Variants in KMT2C observed in about 807,000 individuals in gnomAD.
KMT2C encodes lysine methyltransferase 2C.
In KMT2C, 88 loss-of-function variants were observed where a neutral mutation model predicts 507.9. That is an observed-to-expected ratio of 0.17 (90% CI 0.15 to 0.21). The LOEUF (loss-of-function observed/expected upper bound fraction) is 0.21. Among genes scored for constraint, KMT2C ranks in the 10% least tolerant of loss-of-function variants. The pLI is 1.00. For missense variants in KMT2C, 4,954 were observed against 5,957.8 expected, an observed-to-expected ratio of 0.83 and a Z score of 5.55; for synonymous variants, 2,049 against 2,080.8, an observed-to-expected ratio of 0.98 and a Z score of 0.42.
At chr7:152,308,909 T>C (rs2096644913) in intron 6 of KMT2C, among the ~76,000 whole-genome samples, 1 of 151,952 alleles carries the variant, frequency 6.6e-6, no homozygotes, top group African/African-American at 2.4e-5. Flanking sequence ...TCTTTATAGA[T>C]GGGAGGAAGC....
In KMT2C at chr7:152,148,798, C is replaced by G. The variant is rs774723272; in HGVS notation, c.13129G>C (p.Asp4377His). The G allele has an allele frequency of 1.2e-6, 2 of 1,614,216 alleles. No individual in the cohort carries two copies. The highest frequency in any genetic ancestry group is 2.2e-5 in the South Asian group (2 of 91,084). Residue 4377 changes from aspartate to histidine, a missense_variant, in exon 52 of 59, where the codon GAT (aspartate) becomes CAT (histidine). Around this residue, in one of 29 missense-constraint regions of KMT2C, gnomAD observed 417 missense variants for 461.1 expected, o/e 0.90. Coordinates refer to ENST00000262189, the MANE Select transcript of KMT2C (RefSeq NM_170606.3). The surrounding 1 kb of genome is among the most constrained non-coding windows in gnomAD (Gnocchi z 7.1). Reference protein sequence around the residue: ...PKGTFKPPCEDEIDEFLKKLG... With the variant: ...PKGTFKPPCEHEIDEFLKKLG... ...TTCTTTAGAAATTCATCTATTTCAT[C>G]CTCACAAGGTGGTTTAAATGTCCCC...
intron 1 of KMT2C, among the ~76,000 whole-genome samples, chr7:152,378,760 G>A (rs2097348194): frequency 6.6e-6 from 1 of 152,130 alleles, no homozygotes; most frequent in Non-Finnish European, 1.5e-5. Flanking sequence ...GAACCATGCA[G>A]AGCAATTAAC....
At position 152,248,417 on chromosome 7, in the gene KMT2C, G is replaced by T. The variant is rs187949691; in HGVS notation, c.2017C>A (p.Pro673Thr). 19 of 1,613,904 alleles carry T rather than the reference G, an allele frequency of 1.2e-5. No individual in the cohort carries two copies. The highest frequency in any genetic ancestry group is 1.6e-5 in the Non-Finnish European group (19 of 1,180,004). ...TCTTCTCTGGATACCACTGTTTCAG[G>T]TTCCTCTAACAACTGCAGTTGTTCT... ...QQEQLQLLEE[P>T]ETVVSREESR... Residue 673 changes from proline to threonine, a missense_variant, in exon 14 of 59, where the codon CCT becomes ACT. By Grantham distance (38) the Pro-to-Thr change is conservative (BLOSUM62 -1). Transcript: ENST00000262189.
Position 152,154,021 on chromosome 7 carries a change from T to C in KMT2C, c.12265A>G (p.Thr4089Ala), listed in dbSNP as rs1179427754. The C allele has an allele frequency of 6.2e-7, 1 of 1,613,536 alleles. No homozygotes were observed. The highest frequency in any genetic ancestry group is 1.7e-5 in the Admixed American group (1 of 59,924). ...ATTTAATCTTTTACCTCAGCAGCTG[T>C]AGGATGCAGAGTAATTGCTACAGAT... ...LISVAITLHP[T>A]AAENISSVVA... The change falls in exon 48 of 59, where the codon ACA becomes GCA. Residue 4089 changes from threonine (T) to alanine (A), a missense_variant. By Grantham distance (58) the Thr-to-Ala change is moderately conservative (BLOSUM62 0). Coordinates refer to ENST00000262189, the MANE Select transcript of KMT2C (RefSeq NM_170606.3).
chr7:152,392,732 T>C (rs2097508882), intron 1 of KMT2C, among the ~76,000 whole-genome samples: 2 of 152,206 alleles, frequency 1.3e-5, no homozygotes, highest in African/African-American at 4.8e-5. Flanking sequence ...GTAATGGAGT[T>C]AAGGCTCAAA....
intron 9 of KMT2C, among the ~76,000 whole-genome samples, chr7:152,260,688 C>G (rs1443934684): frequency 6.6e-6 from 1 of 152,172 alleles, no homozygotes; most frequent in East Asian, 1.9e-4. Flanking sequence ...GTGCCAAGTT[C>G]TTATAGCCTA....
chr7:152,414,181 G>C (rs28626560), intron 1 of KMT2C, among the ~76,000 whole-genome samples: 1,812 of 150,978 alleles, frequency 0.012, 37 homozygotes, highest in African/African-American at 0.042. Context: ...CTGCACTCCA[G>C]CCTGGGCGAC....
At chr7:152,317,151 T>A (rs2096729525) in intron 3 of KMT2C, among the ~76,000 whole-genome samples, 1 of 152,170 alleles carries the variant, frequency 6.6e-6, no homozygotes, top group South Asian at 2.1e-4. Context: ...ATCGCTTAAA[T>A]GTGAAGGTAT....
intron 9 of KMT2C, among the ~76,000 whole-genome samples, chr7:152,255,148 T>TATATATATATACATATATATATATATAC (rs1563607582): frequency 1.6e-5 from 2 of 125,356 alleles, no homozygotes; most frequent in African/African-American, 6.1e-5. Context: ...TATATATACA[T>TATATATATATACATATATATATATATAC]ATATATATAT....
chr7:152,176,515 T>C lies in KMT2C; in HGVS notation c.8938A>G (p.Asn2980Asp), dbSNP rs2093218037. The C allele has an allele frequency of 6.2e-7, 1 of 1,614,132 alleles. No homozygotes were observed. Among genetic ancestry groups the C allele is most frequent in the Non-Finnish European group, 8.5e-7 (1 of 1,180,008 alleles). ...NSNVTVVSRV[N>D]HVFSQGVQVN... is the part of the protein sequence containing the mutation. ...TGCACACCCTGAGAAAAAACATGGT[T>C]TACCCTAGAGACTACTGTCACATTA... The change falls in exon 38 of 59, where the codon AAC (asparagine) becomes GAC (aspartate). Residue 2980 changes from asparagine (N) to aspartate (D), a missense_variant. By Grantham distance (23) the Asn-to-Asp change is conservative. This residue lies in a region of KMT2C where 1,689 missense variants were observed against 1,654.3 expected (regional missense o/e 1.02). Transcript: ENST00000262189.
chr7:152,154,389 G>C lies in KMT2C; in HGVS notation c.12017C>G (p.Ser4006Cys), dbSNP rs1283820004. 1 of 1,614,008 alleles carries C rather than the reference G, an allele frequency of 6.2e-7. No individual in the cohort carries two copies. The highest frequency in any genetic ancestry group is 8.5e-7 in the Non-Finnish European group (1 of 1,180,006). ...DTPDSFVPSS[S>C]PESVVGVEVS... ...TTCTACCCCAACCACACTCTCAGGAGAGGATGAGGGAACAAAACTGTCAGG... is the reference window on the plus strand; with the variant it reads ...TTCTACCCCAACCACACTCTCAGGACAGGATGAGGGAACAAAACTGTCAGG... The change falls in exon 47 of 59, where the codon TCT becomes TGT. Residue 4006 changes from serine to cysteine, a missense_variant. Ser to Cys is a moderately radical substitution (Grantham distance 112). Around this residue, in one of 29 missense-constraint regions of KMT2C, gnomAD observed 6 missense variants for 23.3 expected, o/e 0.26. Transcript: ENST00000262189.
chr7:152,171,292 T>C lies in KMT2C; in HGVS notation c.9425A>G (p.Gln3142Arg), dbSNP rs587778502. ...AGGAATGGCCTGTGGTCCAAGGTTC[T>C]GTCCTTCACTGTTCTGTGTTCCAGT... ...VVTGTQNSEG[Q>R]NLGPQAIPQD... Residue 3142 changes from glutamine to arginine, a missense_variant, in exon 40 of 59, where the codon CAG becomes CGG. Coordinates refer to ENST00000262189, the MANE Select transcript of KMT2C (RefSeq NM_170606.3). 4.8e-5 allele frequency: 78 copies of C among 1,609,952 alleles called. No homozygotes were observed. Among genetic ancestry groups the C allele is most frequent in the Non-Finnish European group, 6.5e-5 (77 of 1,178,054 alleles).
chr7:152,244,579 G>T (rs62478310), intron 14 of KMT2C, among the ~76,000 whole-genome samples: 1 of 152,120 alleles, frequency 6.6e-6, no homozygotes. Flanking sequence ...TTTATGAATA[G>T]ATAACTTCAA....
intron 15 of KMT2C, among the ~76,000 whole-genome samples, chr7:152,237,605 C>T (rs58693290): frequency 0.042 from 6,326 of 152,106 alleles, 366 homozygotes; most frequent in African/African-American, 0.14. Flanking sequence ...TCCAGCAATT[C>T]TCCTGCCTCA....
chr7:152,165,520 T>G lies in KMT2C; in HGVS notation c.9750+1626A>C, dbSNP rs546484932. 2.0e-5 allele frequency among the ~76,000 whole-genome samples: 3 copies of G among 152,294 alleles called. No individual in the cohort carries two copies. The East Asian group carries it at 5.8e-4, about 29-fold the overall frequency. ...AGTAGATTTAAAGAGAAAAGAAACC[T>G]TTCATTCTGGAATAATCCTAGTTTT... On this transcript the variant is annotated intron_variant, in intron 42 of 58. Coordinates refer to ENST00000262189, the MANE Select transcript of KMT2C (RefSeq NM_170606.3).
At chr7:152,307,346 G>C (rs1174904369) in intron 6 of KMT2C, among the ~76,000 whole-genome samples, 2 of 141,196 alleles carry the variant, frequency 1.4e-5, no homozygotes, top group East Asian at 4.5e-4. Flanking sequence ...GGGAGGGAGG[G>C]AGGGAGGGAA....
At chr7:152,366,434 C>T (rs2097244501) in intron 1 of KMT2C, among the ~76,000 whole-genome samples, 1 of 151,962 alleles carries the variant, frequency 6.6e-6, no homozygotes, top group Non-Finnish European at 1.5e-5. Flanking sequence ...CTGACATATG[C>T]GATACTACAA....
intron 11 of KMT2C, 131 bp downstream of exon 11, chr7:152,251,808 T>C (rs1217028940): frequency 1.9e-6 from 1 of 532,122 alleles, no homozygotes; most frequent in Non-Finnish European, 3.1e-6. Flanking sequence ...ATTTAAAGGT[T>C]GAGAAACTGA....
chr7:152,412,096 A>G (rs2097690254), intron 1 of KMT2C, among the ~76,000 whole-genome samples: 1 of 152,292 alleles, frequency 6.6e-6, no homozygotes, highest in Admixed American at 6.5e-5. Context: ...CATTTAAACA[A>G]GTCTAATGAA....
Sources: gnomAD v4.1 joint callset for allele counts (sites outside exome capture counted in the v4.1 genomes callset) on GRCh38, gnomAD v4.1.1 for gene constraint, gnomAD v4.1.1 regional missense constraint, Gnocchi (gnomAD v3.1) non-coding constraint, MANE v1.5 for transcripts, NCBI Gene and HGNC (gene_info 2026-07-23, HGNC 2026-07-21) for gene names.